SESTD1: variants seen among roughly 807,000 people sequenced by gnomAD.
SESTD1 encodes the protein SEC14 domain and spectrin repeat-containing protein 1.
Under a neutral mutation model 101.7 loss-of-function variants are expected in SESTD1, and 43 were observed. That is an observed-to-expected ratio of 0.42 (90% CI 0.33 to 0.55). SESTD1 has a LOEUF of 0.55. SESTD1 is among the 20% of genes least tolerant of loss of function. SESTD1 has a pLI of 0.07. For synonymous variants in SESTD1, 283 were observed against 286.8 expected (o/e 0.99, Z 0.13); for missense variants, 647 against 815.1 (o/e 0.79, Z 2.51).
At chr2:179,177,706 G>A (rs1026970075) in intron 3 of SESTD1, among the ~76,000 whole-genome samples, 1 of 152,148 alleles carries the variant, frequency 6.6e-6, no homozygotes, top group African/African-American at 2.4e-5. Context: ...CAAGAGGTAA[G>A]GCAAACTGAT....
chr2:179,249,624 T>C (rs2047285582), intron 1 of SESTD1, among the ~76,000 whole-genome samples: 1 of 152,174 alleles, frequency 6.6e-6, no homozygotes, highest in African/African-American at 2.4e-5. Flanking sequence ...CCTAGCATAA[T>C]TCTATCAAAA....
intron 1 of SESTD1, among the ~76,000 whole-genome samples, chr2:179,230,644 GGTAAAAAAAATA>G (rs1464202721): frequency 6.6e-6 from 1 of 150,948 alleles, no homozygotes; most frequent in Non-Finnish European, 1.5e-5. Context: ...GAGATAACGC[GGTAAAAAAAATA>G]ATCACAGGAA....
chr2:179,170,386 AAGACCTT>A, intron 5 of SESTD1, among the ~76,000 whole-genome samples: 1 of 152,206 alleles, frequency 6.6e-6, no homozygotes, highest in Non-Finnish European at 1.5e-5. Flanking sequence ...AGTAACAAAA[AAGACCTT>A]ATTTTTTTTA....
In SESTD1 at chr2:179,143,578, A is replaced by T. The variant is rs200308267; in HGVS notation, c.849+14T>A. On this transcript the variant is annotated intron_variant, in intron 9 of 17. Transcript: ENST00000428443. ...AATTAAAAAGAGTTAAATATATTCA[A>T]ATCAGACACCTACCTGCATTACCTT... 2 of 1,611,890 alleles carry T rather than the reference A, an allele frequency of 1.2e-6. No homozygotes were observed. The highest frequency in any genetic ancestry group is 1.7e-6 in the Non-Finnish European group (2 of 1,178,148).
At chr2:179,202,538 C>T (rs1402371274) in intron 1 of SESTD1, among the ~76,000 whole-genome samples, 1 of 134,514 alleles carries the variant, frequency 7.4e-6, no homozygotes, top group African/African-American at 2.9e-5. Flanking sequence ...CATGTACTCC[C>T]CTGCTGAACA....
At chr2:179,223,371 C>A (rs923022016) in intron 1 of SESTD1, among the ~76,000 whole-genome samples, 1 of 151,976 alleles carries the variant, frequency 6.6e-6, no homozygotes, top group African/African-American at 2.4e-5. Context: ...GGCTGCACAG[C>A]TCTGAAATCT....
chr2:179,115,500 C>A (rs1383255522), intron 15 of SESTD1, among the ~76,000 whole-genome samples: 1 of 152,102 alleles, frequency 6.6e-6, no homozygotes, highest in Non-Finnish European at 1.5e-5. Flanking sequence ...GTAATCCCAG[C>A]ACTTTGGGAG....
In SESTD1 at chr2:179,124,500, C is replaced by G; in HGVS notation, c.1031G>C (p.Gly344Ala). 1 of 1,614,032 alleles carries G rather than the reference C, an allele frequency of 6.2e-7. No homozygotes were observed. The highest frequency in any genetic ancestry group is 2.2e-5 in the East Asian group (1 of 44,854). The change falls in exon 11 of 18, where the codon GGC (glycine) becomes GCC (alanine). Residue 344 changes from glycine (G) to alanine (A), a missense_variant. Around this residue, in one of 3 missense-constraint regions of SESTD1, gnomAD observed 476 missense variants for 562.6 expected, o/e 0.85. Coordinates refer to ENST00000428443, the MANE Select transcript of SESTD1 (RefSeq NM_178123.5). ...TAGTTCCACAAGATCTTCCTCATCG[C>G]CAGCATTCAAGAGTGCTGCAATTTG... ...NQQIAALLNA[G>A]DEEDLVELKS...
chr2:179,149,585 T>C (rs1456642528), intron 6 of SESTD1, among the ~76,000 whole-genome samples, 191 bp from the exon 7 acceptor site: 1 of 152,194 alleles, frequency 6.6e-6, no homozygotes, highest in Admixed American at 6.5e-5. Context: ...AAGCAATGAA[T>C]AGTTTCATGG....
chr2:179,261,921 G>A (rs529692831), intron 1 of SESTD1, among the ~76,000 whole-genome samples: 1 of 152,110 alleles, frequency 6.6e-6, no homozygotes. Context: ...ACTTGTAAAT[G>A]AGTATCCACA....
chr2:179,175,121 T>C (rs531019451), intron 4 of SESTD1, among the ~76,000 whole-genome samples: 7 of 152,192 alleles, frequency 4.6e-5, no homozygotes, highest in Non-Finnish European at 8.8e-5. Flanking sequence ...ACTTAGACTA[T>C]ACTAAGTTCC....
intron 1 of SESTD1, among the ~76,000 whole-genome samples, chr2:179,235,307 A>C (rs960183446): frequency 6.6e-6 from 1 of 152,252 alleles, no homozygotes; most frequent in African/African-American, 2.4e-5. Context: ...GTTCAGAAAC[A>C]AATACTGTCT....
chr2:179,208,165 C>G (rs2046612139), intron 1 of SESTD1, among the ~76,000 whole-genome samples: 1 of 133,722 alleles, frequency 7.5e-6, no homozygotes, highest in Non-Finnish European at 1.6e-5. Context: ...TTAATGAAAT[C>G]CAAAAACGAC....
At chr2:179,167,678 T>C (rs2045858809) in intron 5 of SESTD1, among the ~76,000 whole-genome samples, 1 of 152,146 alleles carries the variant, frequency 6.6e-6, no homozygotes, top group Non-Finnish European at 1.5e-5. Flanking sequence ...ACCAAAGATA[T>C]AAATAACAGC....
intron 5 of SESTD1, among the ~76,000 whole-genome samples, chr2:179,170,402 T>TA (rs1438452600): frequency 2.0e-5 from 3 of 152,064 alleles, no homozygotes; most frequent in East Asian, 1.9e-4. Context: ...TTATTTTTTT[T>TA]AAAAAATAGG....
chr2:179,137,756 T>C lies in SESTD1; in HGVS notation c.850-5330A>G, dbSNP rs58369786. On this transcript the variant is annotated intron_variant, in intron 9 of 17. Transcript: ENST00000428443. ...TTATATAATTTATCCATCAAAGCAATTGATTCCTCTTGCATTGTTTTCAGT... is the reference window on the plus strand; with the variant it reads ...TTATATAATTTATCCATCAAAGCAACTGATTCCTCTTGCATTGTTTTCAGT... 7.5e-4 allele frequency among the ~76,000 whole-genome samples: 114 copies of C among 152,324 alleles called. No homozygotes were observed. The East Asian group carries it at 0.012, about 16-fold the overall frequency.
rs1395225687 is a variant in SESTD1, at chr2:179,117,617, A to G, written c.1443-4T>C. 1.7e-5 allele frequency: 26 copies of G among 1,558,228 alleles called. No homozygotes were observed. Among genetic ancestry groups the G allele is most frequent in the Non-Finnish European group, 2.2e-5 (25 of 1,161,186 alleles). ...CACATCTACCATGTCTTCACATCTA[A>G]TGAACCCAAACATAAATTTAACTCA... On this transcript the variant is annotated splice_region_variant and splice_polypyrimidine_tract_variant and intron_variant, in intron 13 of 17. Transcript: ENST00000428443.
In SESTD1 at chr2:179,204,250, T is replaced by A. The variant is rs113122679; in HGVS notation, c.-25-12384A>T. On this transcript the variant is annotated intron_variant, in intron 1 of 17. Coordinates refer to ENST00000428443, the MANE Select transcript of SESTD1 (RefSeq NM_178123.5). The stretch of plus-strand genomic sequence containing the variant: ...CCACAATCATGCCCTACTCCACGTC[T>A]TGAGCTGTGTATTCATCTTCTGAAA... Among the ~76,000 whole-genome samples the A allele has an allele frequency of 3.1e-3, 422 of 135,040 alleles. 92 individuals carry two copies. The highest frequency in any genetic ancestry group is 0.012 in the African/African-American group (400 of 34,104). 88.6% of individuals were successfully genotyped at this position (135,040 alleles called of 152,430 possible).
intron 12 of SESTD1, among the ~76,000 whole-genome samples, chr2:179,123,164 G>A (rs1236636458): frequency 6.6e-6 from 1 of 151,938 alleles, no homozygotes; most frequent in Non-Finnish European, 1.5e-5. Flanking sequence ...AAATTCTAAA[G>A]GCCTTGATGT....
Sources: gnomAD v4.1 joint callset for allele counts (sites outside exome capture counted in the v4.1 genomes callset) on GRCh38, gnomAD v4.1.1 for gene constraint, gnomAD v4.1.1 regional missense constraint, MANE v1.5 for transcripts, NCBI Gene and HGNC (gene_info 2026-07-23, HGNC 2026-07-21) for gene names.